The following HSPA4L variants were observed in gnomAD, a reference collection of about 807,000 sequenced individuals.
HSPA4L encodes the protein heat shock 70 kDa protein 4L.
Under a neutral mutation model 100.3 loss-of-function variants are expected in HSPA4L, and 48 were observed. That is an observed-to-expected ratio of 0.48 (90% confidence interval 0.38 to 0.61). The LOEUF (loss-of-function observed/expected upper bound fraction) is 0.61. Among genes scored for constraint, HSPA4L ranks in the 20% least tolerant of loss-of-function variants. The pLI, the probability that HSPA4L is intolerant of heterozygous loss-of-function variation, is 0.00. For synonymous variants in HSPA4L, 319 were observed against 328.2 expected (o/e 0.97, Z 0.30); for missense variants, 886 against 988.6 (o/e 0.90, Z 1.39).
At position 127,832,924 on chromosome 4, in the gene HSPA4L, G is replaced by T. The variant is rs779114144; in HGVS notation, c.*50G>T. 1 of 1,378,120 alleles carries T rather than the reference G, an allele frequency of 7.3e-7. No individual in the cohort carries two copies. The highest frequency in any genetic ancestry group is 9.9e-7 in the Non-Finnish European group (1 of 1,008,180). The allele number at this position is 1,378,120 out of a possible 1,614,324, so 85.4% of individuals were successfully genotyped here. Reference sequence around the variant, plus strand: ...TTCAAACCGTGCAAGTAACCACGGGGTCCATCTTTTACATCTGGTACACAC... The same window carrying T: ...TTCAAACCGTGCAAGTAACCACGGGTTCCATCTTTTACATCTGGTACACAC... On this transcript the variant is annotated 3_prime_UTR_variant, in exon 19 of 19. Transcript: ENST00000296464.
chr4:127,814,175 C>G (rs1371026860), intron 12 of HSPA4L, among the ~76,000 whole-genome samples: 9 of 152,210 alleles, frequency 5.9e-5, no homozygotes, highest in Non-Finnish European at 8.8e-5. Context: ...GAATAAAGTG[C>G]ATGGATTTAT....
At chr4:127,818,951 T>C (rs1168898945) in intron 13 of HSPA4L, among the ~76,000 whole-genome samples, 2 of 152,154 alleles carry the variant, frequency 1.3e-5, no homozygotes, top group Admixed American at 1.3e-4. Context: ...TTACCTTATT[T>C]CCTTAATTCA....
At chr4:127,794,055 A>T in intron 1 of HSPA4L, 22 bp from the exon 2 acceptor site, 1 of 1,568,050 alleles carries the variant, frequency 6.4e-7, no homozygotes, top group Non-Finnish European at 8.7e-7. Context: ...CATGGAACAA[A>T]CTTTTTGTTT....
At chr4:127,831,208 T>A (rs1426583675) in intron 18 of HSPA4L, among the ~76,000 whole-genome samples, 1 of 152,066 alleles carries the variant, frequency 6.6e-6, no homozygotes, top group Non-Finnish European at 1.5e-5. Flanking sequence ...ACACTGCTAA[T>A]GAAAATGTTG....
intron 14 of HSPA4L, among the ~76,000 whole-genome samples, chr4:127,821,799 C>G (rs1455594040): frequency 6.6e-6 from 1 of 152,038 alleles, no homozygotes; most frequent in Admixed American, 6.6e-5. Flanking sequence ...ATTAGCAGCC[C>G]TATGAGTTAG....
At chr4:127,827,269 A>C (rs770902795) in intron 16 of HSPA4L, 36 bp from the exon 17 acceptor site, 1 of 1,587,170 alleles carries the variant, frequency 6.3e-7, no homozygotes, top group South Asian at 1.2e-5. Context: ...TAAAACTCAA[A>C]AATTTTTCTT....
chr4:127,801,812 A>G lies in HSPA4L; in HGVS notation c.557A>G (p.Gln186Arg). The G allele has an allele frequency of 6.2e-7, 1 of 1,609,884 alleles. No homozygotes were observed. ...AVALAYGIYK[Q>R]DLPPLDEKPR... ...GCACTGGCGTATGGAATTTATAAAC[A>G]GGATCTTCCCCCATTAGATGAGAAA... The change falls in exon 6 of 19, where the codon CAG becomes CGG. Residue 186 changes from glutamine to arginine, a missense_variant. Physicochemically the swap from Gln to Arg is conservative, Grantham distance 43 (BLOSUM62 1). Coordinates refer to ENST00000296464, the MANE Select transcript of HSPA4L (RefSeq NM_014278.4).
chr4:127,782,922 C>G (rs965650244), intron 1 of HSPA4L, among the ~76,000 whole-genome samples: 3 of 152,176 alleles, frequency 2.0e-5, no homozygotes, highest in Non-Finnish European at 4.4e-5. Context: ...CGCACGTCCC[C>G]TGCCTCGTGC....
At chr4:127,822,666 T>A (rs1733842445) in intron 14 of HSPA4L, 103 bp from the exon 15 acceptor site, 2 of 1,070,448 alleles carry the variant, frequency 1.9e-6, no homozygotes, top group Middle Eastern at 2.9e-4. Flanking sequence ...TTATTTTTTG[T>A]ATTGTAATCA....
Position 127,832,944 on chromosome 4 carries a change from A to G in HSPA4L, c.*70A>G, listed in dbSNP as rs975529567. On this transcript the variant is annotated 3_prime_UTR_variant, in exon 19 of 19. Coordinates refer to ENST00000296464, the MANE Select transcript of HSPA4L (RefSeq NM_014278.4). Reference sequence around the variant, plus strand: ...ACGGGGTCCATCTTTTACATCTGGTACACACAACAGACGCTCAGTTGTTCT... The same window carrying G: ...ACGGGGTCCATCTTTTACATCTGGTGCACACAACAGACGCTCAGTTGTTCT... 6 of 1,129,288 alleles carry G rather than the reference A, an allele frequency of 5.3e-6. No individual in the cohort carries two copies. Among genetic ancestry groups the G allele is most frequent in the Non-Finnish European group, 7.5e-6 (6 of 799,228 alleles). 70.0% of individuals were successfully genotyped at this position (1,129,288 alleles called of 1,614,324 possible).
chr4:127,822,785 A>C lies in HSPA4L; in HGVS notation c.1829A>C (p.Gln610Pro). 6.2e-7 allele frequency: 1 copy of C among 1,613,718 alleles called. No individual in the cohort carries two copies. The highest frequency in any genetic ancestry group is 8.5e-7 in the Non-Finnish European group (1 of 1,179,786). Reference sequence around the variant, plus strand: ...TTTGAATAGGGGAAGATGATCATGCAAGATAAGTTAGAGAAAGAAAGAAAT... The same window carrying C: ...TTTGAATAGGGGAAGATGATCATGCCAGATAAGTTAGAGAAAGAAAGAAAT... ...YIENEGKMIMQDKLEKERNDA... is the reference protein window; with the variant it reads ...YIENEGKMIMPDKLEKERNDA... The change falls in exon 15 of 19, where the codon CAA becomes CCA. Residue 610 changes from glutamine to proline, a missense_variant. Gln to Pro is a moderately conservative substitution (Grantham distance 76). Transcript: ENST00000296464.
chr4:127,801,117 A>C lies in HSPA4L; in HGVS notation c.430-21A>C, dbSNP rs1299950641. 3.2e-6 allele frequency: 5 copies of C among 1,542,892 alleles called. No homozygotes were observed. In the Admixed American group the frequency reaches 8.8e-5, roughly 27 times the overall value. ...ATGTTTACATAAAACATTATACTTA[A>C]CTGTTGTTTTTAAATACTAGATTCC... On this transcript the variant is annotated intron_variant, in intron 4 of 18. Coordinates refer to ENST00000296464, the MANE Select transcript of HSPA4L (RefSeq NM_014278.4).
At position 127,837,032 on chromosome 4, in the gene HSPA4L, C is replaced by G. The variant is rs572840287; in HGVS notation, c.*4158C>G. Reference sequence around the variant, plus strand: ...CTAGGCTCACTGCAGCCTCCACCACCTGAGTTCAAGCGATTTTTCTGCCTC... The same window carrying G: ...CTAGGCTCACTGCAGCCTCCACCACGTGAGTTCAAGCGATTTTTCTGCCTC... On this transcript the variant is annotated 3_prime_UTR_variant, in exon 19 of 19. Coordinates refer to ENST00000296464, the MANE Select transcript of HSPA4L (RefSeq NM_014278.4). The G allele has an allele frequency of 2.6e-5, 4 of 152,272 alleles. No individual in the cohort carries two copies. The South Asian group carries it at 8.3e-4, about 32-fold the overall frequency. 9.4% of individuals were successfully genotyped at this position (152,272 alleles called of 1,614,324 possible).
chr4:127,820,933 T>A (rs1417462902), intron 14 of HSPA4L, among the ~76,000 whole-genome samples: 1 of 152,182 alleles, frequency 6.6e-6, no homozygotes, highest in Non-Finnish European at 1.5e-5. Context: ...TCAAAATGTT[T>A]TCTGACATCC....
intron 1 of HSPA4L, among the ~76,000 whole-genome samples, chr4:127,789,491 A>G (rs918655876): frequency 6.6e-6 from 1 of 151,642 alleles, no homozygotes; most frequent in Non-Finnish European, 1.5e-5. Flanking sequence ...CTAAAAATAC[A>G]AAAAAAATTA....
At chr4:127,820,299 CA>C (rs1733774024) in intron 13 of HSPA4L, 128 bp from the exon 14 acceptor site, 1 of 648,656 alleles carries the variant, frequency 1.5e-6, no homozygotes, top group African/African-American at 1.9e-5. Context: ...AAAATAACAT[CA>C]GTCTTAAGGT....
At chr4:127,832,186 AC>A (rs1286648865) in intron 18 of HSPA4L, among the ~76,000 whole-genome samples, 1 of 152,126 alleles carries the variant, frequency 6.6e-6, no homozygotes. Flanking sequence ...GTTCCAATTT[AC>A]TTTCACGGCA....
At chr4:127,831,583 A>G (rs553434101) in intron 18 of HSPA4L, among the ~76,000 whole-genome samples, 1 of 151,542 alleles carries the variant, frequency 6.6e-6, no homozygotes, top group South Asian at 2.1e-4. Flanking sequence ...GCATCCATAC[A>G]ACACTATGCA....
In HSPA4L at chr4:127,835,891, C is replaced by G. The variant is rs1353890881; in HGVS notation, c.*3017C>G. On this transcript the variant is annotated 3_prime_UTR_variant, in exon 19 of 19. Coordinates refer to ENST00000296464, the MANE Select transcript of HSPA4L (RefSeq NM_014278.4). ...TTGAACCCAGGAGTTCAAGACCAGC[C>G]TGAGAAACATAGTGAGACCCTGTCT... 3 of 152,684 alleles carry G rather than the reference C, an allele frequency of 2.0e-5. No individual in the cohort carries two copies. Among genetic ancestry groups the G allele is most frequent in the East Asian group, 3.9e-4 (2 of 5,194 alleles). 9.5% of individuals were successfully genotyped at this position (152,684 alleles called of 1,614,324 possible).
Sources: gnomAD v4.1 joint callset for allele counts (sites outside exome capture counted in the v4.1 genomes callset) on GRCh38, gnomAD v4.1.1 for gene constraint, MANE v1.5 for transcripts, NCBI Gene and HGNC (gene_info 2026-07-23, HGNC 2026-07-21) for gene names.